The following FOXA2 variants were observed in gnomAD, a reference collection of about 807,000 sequenced individuals.
FOXA2 encodes the protein forkhead box A2, also known as hepatocyte nuclear factor 3-beta.
In FOXA2, 9 loss-of-function variants were observed where a neutral mutation model predicts 33.3. That is an observed-to-expected ratio of 0.27 (90% CI 0.16 to 0.47). FOXA2 has a LOEUF of 0.47. Ranked by LOEUF, FOXA2 falls within the 20% of genes least tolerant of loss-of-function variation. The pLI, the probability that FOXA2 is intolerant of heterozygous loss-of-function variation, is 0.99. For synonymous variants in FOXA2, 329 were observed against 289.4 expected, an observed-to-expected ratio of 1.14 and a Z score of -1.39; for missense variants, 704 against 659.9, an observed-to-expected ratio of 1.07 and a Z score of -0.73.
Position 22,582,283 on chromosome 20 carries a change from T to G in FOXA2, c.959A>C (p.His320Pro), listed in dbSNP as rs757447343. ...PHSSASPCQEHKRGGLGELKG... is the reference protein window; with the variant it reads ...PHSSASPCQEPKRGGLGELKG... The stretch of plus-strand genomic sequence containing the variant: ...CAGCTCTCCCAGGCCCCCTCGCTTG[T>G]GCTCCTGGCACGGGGAGGCGCTCGA... Residue 320 changes from histidine (H) to proline (P), a missense_variant, in exon 2 of 2, where the codon CAC becomes CCC. Coordinates refer to ENST00000419308, the MANE Select transcript of FOXA2 (RefSeq NM_021784.5). 20 of 1,469,566 alleles carry G rather than the reference T, an allele frequency of 1.4e-5. No homozygotes were observed. The highest frequency in any genetic ancestry group is 1.8e-5 in the Non-Finnish European group (20 of 1,119,384). The allele number at this position is 1,469,566 out of a possible 1,614,324, so 91.0% of individuals were successfully genotyped here. A position where few individuals can be genotyped will look rare whatever the true frequency, so the allele number is the denominator to read the frequency against.
At position 22,582,803 on chromosome 20, in the gene FOXA2, C is replaced by A; in HGVS notation, c.439G>T (p.Gly147Cys). ...NSMSPMYGQAGLSRARDPKTY... is the reference protein window; with the variant it reads ...NSMSPMYGQACLSRARDPKTY... The stretch of plus-strand genomic sequence containing the variant: ...TTGGGGTCGCGGGCGCGGCTCAGGC[C>A]CGCCTGCCCGTACATGGGGCTCATG... The change falls in exon 2 of 2, where the codon GGC becomes TGC. Residue 147 changes from glycine (G) to cysteine (C), a missense_variant. Gly to Cys is a radical substitution (Grantham distance 159, BLOSUM62 -3). Around this residue, in one of 5 missense-constraint regions of FOXA2, gnomAD observed 304 missense variants for 251.7 expected, o/e 1.21. Transcript: ENST00000419308. 1 of 1,613,564 alleles carries A rather than the reference C, an allele frequency of 6.2e-7. No individual in the cohort carries two copies. The highest frequency in any genetic ancestry group is 8.5e-7 in the Non-Finnish European group (1 of 1,179,716).
In FOXA2 at chr20:22,582,991, G is replaced by T. The variant is rs1984638377; in HGVS notation, c.251C>A (p.Ala84Glu). 9.3e-6 allele frequency: 15 copies of T among 1,605,898 alleles called. No homozygotes were observed. The highest frequency in any genetic ancestry group is 1.2e-5 in the Non-Finnish European group (14 of 1,178,202). Residue 84 changes from alanine (A) to glutamate (E), a missense_variant, in exon 2 of 2, where the codon GCG (alanine) becomes GAG (glutamate). Ala to Glu is a moderately radical substitution (Grantham distance 107, BLOSUM62 -1). Transcript: ENST00000419308. ...GGCGCCCGCGCCGGGGGACATCCCCGCCAGGGACGGGCTCATGCCAGCGCC... is the reference window on the plus strand; with the variant it reads ...GGCGCCCGCGCCGGGGGACATCCCCTCCAGGGACGGGCTCATGCCAGCGCC... ...YVGAGMSPSLAGMSPGAGAMA... is the reference protein window; with the variant it reads ...YVGAGMSPSLEGMSPGAGAMA...
In FOXA2 at chr20:22,582,942, G is replaced by T. The variant is rs1039298494; in HGVS notation, c.300C>A (p.Ala100=). 1 of 1,557,504 alleles carries T rather than the reference G, an allele frequency of 6.4e-7. No individual in the cohort carries two copies. The highest frequency in any genetic ancestry group is 1.9e-5 in the Admixed American group (1 of 52,584). ...AGAMAGMGGS[A]GAAGVAGMGP... ...CCATGCCCGCCACGCCGGCCGCCCC[G>T]GCCGAGCCGCCCATGCCCGCCATGG... The change falls in exon 2 of 2, where the codon GCC becomes GCA. Residue 100 remains alanine (A), a synonymous_variant. Coordinates refer to ENST00000419308, the MANE Select transcript of FOXA2 (RefSeq NM_021784.5).
At chr20:22,584,678 A>T (rs1364694046), upstream of FOXA2, among the ~76,000 whole-genome samples, 2,134 of 29,590 alleles carry the variant, frequency 0.072, 39 homozygotes, top group Non-Finnish European at 0.1. Context: ...GTGGTGGAGG[A>T]GGAGGAGGAG....
In FOXA2 at chr20:22,582,957, G is replaced by A. The variant is rs780546461; in HGVS notation, c.285C>T (p.Gly95=). 6 of 1,596,368 alleles carry A rather than the reference G, an allele frequency of 3.8e-6. No homozygotes were observed. The highest frequency in any genetic ancestry group is 3.4e-5 in the Admixed American group (2 of 59,002). The change falls in exon 2 of 2, where the codon GGC becomes GGT. Residue 95 remains glycine, a synonymous_variant. Transcript: ENST00000419308. Reference sequence around the variant, plus strand: ...CGGCCGCCCCGGCCGAGCCGCCCATGCCCGCCATGGCGCCCGCGCCGGGGG... The same window carrying A: ...CGGCCGCCCCGGCCGAGCCGCCCATACCCGCCATGGCGCCCGCGCCGGGGG... The part of the protein sequence containing the change: ...GMSPGAGAMA[G]MGGSAGAAGV...
upstream of FOXA2, chr20:22,585,473 A>T (rs1234987609): frequency 6.6e-6 from 1 of 152,208 alleles, no homozygotes; most frequent in Non-Finnish European, 1.5e-5. Flanking sequence ...GACGGTTGGG[A>T]GGCTGAGATT....
Position 22,581,853 on chromosome 20 carries a change from AGAG to A in FOXA2, c.1386_1388del (p.Ser463del). 2 of 1,607,992 alleles carry A rather than the reference AGAG, an allele frequency of 1.2e-6. No homozygotes were observed. The highest frequency in any genetic ancestry group is 1.7e-6 in the Non-Finnish European group (2 of 1,175,100). ...CGGGCCTGAAGCCGTCGTCTTCTTA[AGAG>A]GAGTTCATAATGGGCCGGGAGTACA... On this transcript the variant is annotated inframe_deletion, in exon 2 of 2. Transcript: ENST00000419308.
rs1280237578 is a variant in FOXA2 at position 22,582,229 on chromosome 20, G to A, written c.1013C>T (p.Pro338Leu). ...CCCGGGAGAGGGCGCCGGCTCTGGG[G>A]GGCTCAGCGCCGCAGCCGGCGTCCC... Reference protein sequence around the residue: ...LKGTPAAALSPPEPAPSPGQQ... With the variant: ...LKGTPAAALSLPEPAPSPGQQ... The change falls in exon 2 of 2, where the codon CCC becomes CTC. Residue 338 changes from proline to leucine, a missense_variant. Pro to Leu is a moderately conservative substitution (Grantham distance 98). This residue lies in a region of FOXA2 where 343 missense variants were observed against 274.8 expected (regional missense o/e 1.25). Transcript: ENST00000419308. The A allele has an allele frequency of 2.6e-6, 4 of 1,511,376 alleles. No homozygotes were observed. The South Asian group carries it at 3.9e-5, about 15-fold the overall frequency. 93.6% of individuals were successfully genotyped at this position (1,511,376 alleles called of 1,614,324 possible).
Position 22,581,752 on chromosome 20 carries a change from T to C in FOXA2, c.*98A>G. The stretch of plus-strand genomic sequence containing the variant: ...ATGGATTTCTTCTCCCTTGCGTCTC[T>C]GCAACACCGTCTCCCCAAAGTCTCG... On this transcript the variant is annotated 3_prime_UTR_variant, in exon 2 of 2. Coordinates refer to ENST00000419308, the MANE Select transcript of FOXA2 (RefSeq NM_021784.5). The C allele has an allele frequency of 6.8e-6, 8 of 1,179,378 alleles. No individual in the cohort carries two copies. Among genetic ancestry groups the C allele is most frequent in the Non-Finnish European group, 9.9e-6 (8 of 805,700 alleles). 73.1% of individuals were successfully genotyped at this position (1,179,378 alleles called of 1,614,324 possible).
At position 22,581,560 on chromosome 20, in the gene FOXA2, G is replaced by A. The variant is rs1296966920; in HGVS notation, c.*290C>T. 9 of 277,678 alleles carry A rather than the reference G, an allele frequency of 3.2e-5. No individual in the cohort carries two copies. The highest frequency in any genetic ancestry group is 2.0e-4 in the African/African-American group (9 of 45,508). The allele number at this position is 277,678 out of a possible 1,614,324, so 17.2% of individuals were successfully genotyped here. On this transcript the variant is annotated 3_prime_UTR_variant, in exon 2 of 2. Transcript: ENST00000419308. ...AATCTGCAGGTGCTTGAAGAAGCAG[G>A]AGTCTACACAGTAGTGGAAACCGGA...
rs1489250379 is a variant in FOXA2, at chr20:22,582,906, C to T, written c.336G>A (p.Leu112=). 1 of 1,550,066 alleles carries T rather than the reference C, an allele frequency of 6.5e-7. No homozygotes were observed. Among genetic ancestry groups the T allele is most frequent in the Admixed American group, 1.9e-5 (1 of 51,570 alleles). Residue 112 remains leucine (L), a synonymous_variant, in exon 2 of 2, where the codon TTG becomes TTA. Coordinates refer to ENST00000419308, the MANE Select transcript of FOXA2 (RefSeq NM_021784.5). The stretch of plus-strand genomic sequence containing the variant: ...CCCCGAGCGGGCTCAGGCTGGGACT[C>T]AAGTGCGGCCCCATGCCCGCCACGC... The part of the protein sequence containing the change: ...AAGVAGMGPH[L]SPSLSPLGGQ...
In FOXA2 at chr20:22,581,614, C is replaced by G; in HGVS notation, c.*236G>C. The G allele has an allele frequency of 2.4e-6, 1 of 424,522 alleles. No homozygotes were observed. Among genetic ancestry groups the G allele is most frequent in the Non-Finnish European group, 4.2e-6 (1 of 240,110 alleles). The allele number at this position is 424,522 out of a possible 1,614,324, so 26.3% of individuals were successfully genotyped here. A position where few individuals can be genotyped will look rare whatever the true frequency, so the allele number is the denominator to read the frequency against. ...TTTTTTTTAACTTTATATTCTTTCC[C>G]GTTTTCCTCCTTATATAGAACGTGG... is the stretch of plus-strand genomic sequence containing the variant. On this transcript the variant is annotated 3_prime_UTR_variant, in exon 2 of 2. Transcript: ENST00000419308.
At chr20:22,584,861 C>T (rs1984723383), upstream of FOXA2, among the ~76,000 whole-genome samples, 1 of 152,086 alleles carries the variant, frequency 6.6e-6, no homozygotes, top group Non-Finnish European at 1.5e-5. Context: ...TAGCCGCAGC[C>T]GGCGCTCCGC....
At position 22,581,587 on chromosome 20, in the gene FOXA2, G is replaced by A. The variant is rs1280373031; in HGVS notation, c.*263C>T. 2.5e-5 allele frequency: 9 copies of A among 360,298 alleles called. No homozygotes were observed. The South Asian group carries it at 2.7e-4, about 11-fold the overall frequency. The allele number at this position is 360,298 out of a possible 1,614,324, so 22.3% of individuals were successfully genotyped here. On this transcript the variant is annotated 3_prime_UTR_variant, in exon 2 of 2. Transcript: ENST00000419308. Reference sequence around the variant, plus strand: ...GTCTACACAGTAGTGGAAACCGGAGGCTTTTTTTTAACTTTATATTCTTTC... The same window carrying A: ...GTCTACACAGTAGTGGAAACCGGAGACTTTTTTTTAACTTTATATTCTTTC...
chr20:22,584,113 A>C, intron 1 of FOXA2, 79 bp downstream of exon 1: 5 of 1,403,378 alleles, frequency 3.6e-6, no homozygotes, highest in Non-Finnish European at 4.0e-6. Context: ...GGGGGGTGCC[A>C]GCGAGGGAAG....
intron 1 of FOXA2, among the ~76,000 whole-genome samples, chr20:22,583,517 G>A (rs1182523938): frequency 6.6e-6 from 1 of 152,166 alleles, no homozygotes; most frequent in Non-Finnish European, 1.5e-5. Context: ...AGCTGGCGCC[G>A]AGGCCCGAAG....
Position 22,581,274 on chromosome 20 carries a change from A to G in FOXA2, c.*576T>C, listed in dbSNP as rs1393899564. On this transcript the variant is annotated 3_prime_UTR_variant, in exon 2 of 2. Transcript: ENST00000419308. ...TTTATAAGCCATAAATAAAGCACGCAGAAACCATAAATTAATCGGACCCGA... is the reference window on the plus strand; with the variant it reads ...TTTATAAGCCATAAATAAAGCACGCGGAAACCATAAATTAATCGGACCCGA... 2 of 152,746 alleles carry G rather than the reference A, an allele frequency of 1.3e-5. No homozygotes were observed. Among genetic ancestry groups the G allele is most frequent in the African/African-American group, 2.4e-5 (1 of 41,466 alleles). The allele number at this position is 152,746 out of a possible 1,614,324, so 9.5% of individuals were successfully genotyped here. A position where few individuals can be genotyped will look rare whatever the true frequency, so the allele number is the denominator to read the frequency against.
At position 22,582,270 on chromosome 20, in the gene FOXA2, GC is replaced by G; in HGVS notation, c.971del (p.Gly324AlafsTer5). The stretch of plus-strand genomic sequence containing the variant: ...CCGGCGTCCCCTTCAGCTCTCCCAG[GC>G]CCCCTCGCTTGTGCTCCTGGCACGG... ...ASPCQEHKRG[G>X]LGELKGTPAA... On this transcript the variant is annotated frameshift_variant, in exon 2 of 2. Coordinates refer to ENST00000419308, the MANE Select transcript of FOXA2 (RefSeq NM_021784.5). LOFTEE classifies it high-confidence loss of function. The G allele has an allele frequency of 2.0e-6, 3 of 1,467,908 alleles. No homozygotes were observed. Among genetic ancestry groups the G allele is most frequent in the Non-Finnish European group, 8.9e-7 (1 of 1,118,042 alleles). The allele number at this position is 1,467,908 out of a possible 1,614,324, so 90.9% of individuals were successfully genotyped here. A position where few individuals can be genotyped will look rare whatever the true frequency, so the allele number is the denominator to read the frequency against.
chr20:22,581,805 C>G lies in FOXA2; in HGVS notation c.*45G>C. ...CCCCACTTGCTCTCTCACTTGTCCTCGATCCGGGGTGCCAGAGTTAGCCGG... is the reference window on the plus strand; with the variant it reads ...CCCCACTTGCTCTCTCACTTGTCCTGGATCCGGGGTGCCAGAGTTAGCCGG... On this transcript the variant is annotated 3_prime_UTR_variant, in exon 2 of 2. Transcript: ENST00000419308. 1 of 1,584,428 alleles carries G rather than the reference C, an allele frequency of 6.3e-7. No individual in the cohort carries two copies. The highest frequency in any genetic ancestry group is 8.6e-7 in the Non-Finnish European group (1 of 1,156,690).
Sources: gnomAD v4.1 joint callset for allele counts (sites outside exome capture counted in the v4.1 genomes callset) on GRCh38, gnomAD v4.1.1 for gene constraint, gnomAD v4.1.1 regional missense constraint, MANE v1.5 for transcripts, NCBI Gene and HGNC (gene_info 2026-07-23, HGNC 2026-07-21) for gene names.